The following TENM3 variants were observed in gnomAD, a reference collection of about 807,000 sequenced individuals.
TENM3 encodes teneurin-3.
TENM3 carries 63 observed loss-of-function variants against 255.1 expected under a neutral mutation model. The ratio of observed to expected loss-of-function variants is 0.25; its 90% CI spans 0.20 to 0.30. The LOEUF is 0.30. Among genes scored for constraint, TENM3 ranks in the 10% least tolerant of loss-of-function variants. The pLI is 1.00. For synonymous variants in TENM3, 1,306 were observed against 1,322.3 expected (o/e 0.99, Z 0.27); for missense variants, 2,929 against 3,461.1 (o/e 0.85, Z 3.86).
chr4:182,526,098 G>T (rs979548470), intron 3 of TENM3, among the ~76,000 whole-genome samples: 1 of 152,160 alleles, frequency 6.6e-6, no homozygotes, highest in Admixed American at 6.5e-5. Flanking sequence ...TCCTGCCTCA[G>T]CCTCCCCAGT....
chr4:182,007,524 T>C, the TENM3 span, among the ~76,000 whole-genome samples: 1 of 152,216 alleles, frequency 6.6e-6, no homozygotes, highest in Non-Finnish European at 1.5e-5. Context: ...AAGTCTGTTT[T>C]TTCAGGGACT....
the TENM3 span, among the ~76,000 whole-genome samples, chr4:181,586,613 G>A: frequency 1.1e-4 from 16 of 152,208 alleles, no homozygotes; most frequent in African/African-American, 2.6e-4. Context: ...AGGCTGAGGC[G>A]GGTGGATCAC....
chr4:181,857,728 A>T, the TENM3 span, among the ~76,000 whole-genome samples: 1 of 152,110 alleles, frequency 6.6e-6, no homozygotes, highest in Admixed American at 6.5e-5. Context: ...ACTGCACTCC[A>T]GCCTGGTGAC....
the TENM3 span, among the ~76,000 whole-genome samples, chr4:182,097,358 G>T: frequency 1.3e-5 from 2 of 152,096 alleles, no homozygotes; most frequent in Non-Finnish European, 2.9e-5. Flanking sequence ...GCCCTCTGAA[G>T]TGTTTCTTCT....
intron 1 of TENM3, among the ~76,000 whole-genome samples, chr4:182,254,898 A>G (rs1758277936): frequency 6.6e-6 from 1 of 152,048 alleles, no homozygotes; most frequent in Admixed American, 6.5e-5. Flanking sequence ...AACAAAAAAC[A>G]AAAAACCCAA....
chr4:182,412,733 C>T (rs1387429388), intron 3 of TENM3, among the ~76,000 whole-genome samples: 5 of 151,736 alleles, frequency 3.3e-5, no homozygotes, highest in African/African-American at 1.2e-4. Context: ...GGTGGGTTAG[C>T]ACTCACCTGT....
the TENM3 span, among the ~76,000 whole-genome samples, chr4:181,853,569 T>A: frequency 6.6e-6 from 1 of 152,244 alleles, no homozygotes; most frequent in Non-Finnish European, 1.5e-5. Flanking sequence ...GAGATACTTA[T>A]GACATTTAGT....
chr4:181,661,882 G>A, the TENM3 span, among the ~76,000 whole-genome samples: 1 of 149,094 alleles, frequency 6.7e-6, no homozygotes, highest in South Asian at 2.1e-4. Context: ...ACATTTGGCA[G>A]TGAGATAAGG....
the TENM3 span, among the ~76,000 whole-genome samples, chr4:181,989,750 A>G: frequency 6.6e-6 from 1 of 152,170 alleles, no homozygotes; most frequent in African/African-American, 2.4e-5. Context: ...TATTCGTATT[A>G]ACTGGCCAAA....
intron 3 of TENM3, among the ~76,000 whole-genome samples, chr4:182,448,566 C>T (rs1010507980): frequency 2.0e-5 from 3 of 152,164 alleles, no homozygotes; most frequent in Non-Finnish European, 4.4e-5. Flanking sequence ...TTTGTGAGCA[C>T]GGGAAAGTAG....
chr4:182,606,246 G>A (rs1460065410), intron 4 of TENM3, among the ~76,000 whole-genome samples: 6 of 152,256 alleles, frequency 3.9e-5, no homozygotes, highest in African/African-American at 9.6e-5. Flanking sequence ...GTAGCAGGCC[G>A]GGCGTGGTGG....
At chr4:181,969,060 A>AAC in the TENM3 span, among the ~76,000 whole-genome samples, 3 of 150,568 alleles carry the variant, frequency 2.0e-5, no homozygotes, top group Non-Finnish European at 4.4e-5. Flanking sequence ...CCCATACACA[A>AAC]ACACACACAC....
At chr4:182,603,105 A>G (rs1748059027) in intron 4 of TENM3, among the ~76,000 whole-genome samples, 3 of 152,168 alleles carry the variant, frequency 2.0e-5, no homozygotes, top group African/African-American at 4.8e-5. Flanking sequence ...TGCACTGGAA[A>G]TTTTGATTGA....
At chr4:182,259,045 A>G (rs1758616144) in intron 1 of TENM3, among the ~76,000 whole-genome samples, 2 of 152,252 alleles carry the variant, frequency 1.3e-5, no homozygotes, top group African/African-American at 4.8e-5. Context: ...CTTTGTCTAT[A>G]AAGCCAGTTA....
chr4:181,577,045 TATA>T, the TENM3 span, among the ~76,000 whole-genome samples: 8 of 127,948 alleles, frequency 6.3e-5, no homozygotes, highest in Non-Finnish European at 1.1e-4. Flanking sequence ...TATTTTATTA[TATA>T]ATAATAAATT....
chr4:182,109,256 T>C, the TENM3 span, among the ~76,000 whole-genome samples: 1 of 148,598 alleles, frequency 6.7e-6, no homozygotes, highest in Non-Finnish European at 1.5e-5. Context: ...CTATATAACA[T>C]ATTCATATTA....
chr4:181,881,507 G>T, the TENM3 span, among the ~76,000 whole-genome samples: 62 of 152,062 alleles, frequency 4.1e-4, no homozygotes, highest in Non-Finnish European at 4.4e-5. Flanking sequence ...AGAAAGAAAG[G>T]ATTCATATTT....
chr4:182,680,437 A>AC (rs1554014057), intron 9 of TENM3, 88 bp downstream of exon 9: 24 of 1,114,748 alleles, frequency 2.2e-5, no homozygotes, highest in Non-Finnish European at 3.2e-5. Context: ...CAGGAAAGAA[A>AC]GGGGGGGGGA....
chr4:181,739,930 T>C, the TENM3 span, among the ~76,000 whole-genome samples: 2 of 152,364 alleles, frequency 1.3e-5, no homozygotes, highest in South Asian at 4.1e-4. Flanking sequence ...CATCTGTTGA[T>C]ATTAAATTGT....
Sources: allele counts gnomAD v4.1 joint callset (sites outside exome capture counted in the v4.1 genomes callset), GRCh38; gene constraint gnomAD v4.1.1; transcripts MANE v1.5; gene names NCBI Gene and HGNC (gene_info 2026-07-23, HGNC 2026-07-21).